Variants in ACMSD observed in about 807,000 individuals in gnomAD.
ACMSD encodes the protein 2-amino-3-carboxymuconate-6-semialdehyde decarboxylase.
ACMSD carries 37 observed loss-of-function variants against 45.9 expected under a neutral mutation model. The ratio of observed to expected loss-of-function variants is 0.81; its 90% CI spans 0.62 to 1.06. The LOEUF is 1.06. Ranked by LOEUF, ACMSD falls within the 50% of genes least tolerant of loss-of-function variation. The probability of loss-of-function intolerance (pLI) is 0.00; values close to 1 mark genes in which losing one functional copy is unlikely to be tolerated. For synonymous variants in ACMSD, 138 were observed against 148.8 expected (o/e 0.93, Z 0.53); for missense variants, 434 against 420.9 (o/e 1.03, Z -0.27).
At chr2:134,898,215 T>G (rs879746285) in intron 8 of ACMSD, 126 bp from the exon 9 acceptor site, 4 of 543,848 alleles carry the variant, frequency 7.4e-6, no homozygotes, top group Admixed American at 4.0e-5. Context: ...AGTTTTATGT[T>G]TCTATTAATC....
chr2:134,854,597 T>A (rs1687493520), intron 2 of ACMSD, among the ~76,000 whole-genome samples: 1 of 152,168 alleles, frequency 6.6e-6, no homozygotes, highest in Admixed American at 6.5e-5. Context: ...CTCACATTGC[T>A]CACTTCCAGG....
At chr2:134,855,984 T>A (rs1033329135) in intron 2 of ACMSD, among the ~76,000 whole-genome samples, 2 of 152,164 alleles carry the variant, frequency 1.3e-5, no homozygotes, top group Admixed American at 1.3e-4. Context: ...GGCCCAAAGG[T>A]AACCTTGAGG....
At chr2:134,843,087 T>C (rs1037927880) in intron 1 of ACMSD, among the ~76,000 whole-genome samples, 18 of 152,222 alleles carry the variant, frequency 1.2e-4, no homozygotes, top group African/African-American at 4.3e-4. Flanking sequence ...TAAGAGCACA[T>C]AGTCTTAAGT....
intron 2 of ACMSD, 65 bp downstream of exon 2, chr2:134,845,342 A>G: frequency 6.3e-7 from 1 of 1,581,684 alleles, no homozygotes; most frequent in Non-Finnish European, 8.7e-7. Context: ...GGGATACCTC[A>G]CTGCAGGCTG....
At chr2:134,868,154 T>A (rs1688208713) in intron 6 of ACMSD, among the ~76,000 whole-genome samples, 1 of 152,104 alleles carries the variant, frequency 6.6e-6, no homozygotes, top group Non-Finnish European at 1.5e-5. Flanking sequence ...GAATTAAAGG[T>A]AGAAGGTCAA....
At chr2:134,843,693 C>T (rs570901754) in intron 1 of ACMSD, among the ~76,000 whole-genome samples, 1 of 152,328 alleles carries the variant, frequency 6.6e-6, no homozygotes, top group Non-Finnish European at 1.5e-5. Context: ...GACCCATCAC[C>T]GCTGACCAAC....
chr2:134,884,014 G>A (rs533441120), intron 8 of ACMSD, among the ~76,000 whole-genome samples: 4 of 152,182 alleles, frequency 2.6e-5, no homozygotes, highest in Admixed American at 6.5e-5. Flanking sequence ...TCTCTCTTGC[G>A]AAATTACTGA....
intron 9 of ACMSD, 69 bp from the exon 10 acceptor site, chr2:134,901,729 T>C: frequency 8.7e-7 from 1 of 1,146,400 alleles, no homozygotes; most frequent in South Asian, 1.7e-5. Flanking sequence ...TTAAACCTGA[T>C]CAATGTAGTA....
intron 9 of ACMSD, among the ~76,000 whole-genome samples, chr2:134,901,199 T>C (rs1161549525): frequency 9.2e-5 from 14 of 152,188 alleles, no homozygotes; most frequent in Non-Finnish European, 1.6e-4. Context: ...AACAAATCAG[T>C]TAGGGTATCA....
intron 2 of ACMSD, among the ~76,000 whole-genome samples, chr2:134,847,105 C>T (rs1687084909): frequency 6.6e-6 from 1 of 152,166 alleles, no homozygotes; most frequent in Non-Finnish European, 1.5e-5. Flanking sequence ...GGCCCAGCCA[C>T]ATGGGGACTT....
intron 2 of ACMSD, 90 bp downstream of exon 2, chr2:134,845,367 C>A: frequency 7.3e-7 from 1 of 1,375,906 alleles, no homozygotes; most frequent in South Asian, 1.2e-5. Context: ...TCCAGGGAAC[C>A]CCACTCTTCT....
chr2:134,842,027 T>C (rs1319586690), intron 1 of ACMSD, among the ~76,000 whole-genome samples: 1 of 152,236 alleles, frequency 6.6e-6, no homozygotes, highest in Non-Finnish European at 1.5e-5. Context: ...CTTTGATTCA[T>C]ACATGCCCAT....
At chr2:134,850,975 T>C (rs1019964395) in intron 2 of ACMSD, among the ~76,000 whole-genome samples, 1 of 152,186 alleles carries the variant, frequency 6.6e-6, no homozygotes, top group Non-Finnish European at 1.5e-5. Flanking sequence ...TAGTCCCCAG[T>C]GTCTACTGTT....
In ACMSD at chr2:134,859,262, G is replaced by A. The variant is rs568825076; in HGVS notation, c.104G>A (p.Gly35Glu). 2 of 1,614,000 alleles carry A rather than the reference G, an allele frequency of 1.2e-6. No individual in the cohort carries two copies. The highest frequency in any genetic ancestry group is 4.5e-5 in the East Asian group (2 of 44,886). Reference sequence around the variant, plus strand: ...AGTAATGTGGGTTTTCTGCCCCAGGGAGAAGCAAAGTTGTTGAAAGATGGG... The same window carrying A: ...AGTAATGTGGGTTTTCTGCCCCAGGAAGAAGCAAAGTTGTTGAAAGATGGG... ...GWVQLQHHSKGEAKLLKDGKV... is the reference protein window; with the variant it reads ...GWVQLQHHSKEEAKLLKDGKV... The change falls in exon 3 of 10, where the codon GGA (glycine) becomes GAA (glutamate). Residue 35 changes from glycine (G) to glutamate (E), a missense_variant and splice_region_variant. Transcript: ENST00000356140.
chr2:134,842,654 T>C (rs1394252259), intron 1 of ACMSD, among the ~76,000 whole-genome samples: 6 of 152,234 alleles, frequency 3.9e-5, no homozygotes, highest in Admixed American at 3.9e-4. Context: ...TCAGCATCAT[T>C]GTTAGCATGA....
At chr2:134,846,409 A>T (rs992238454) in intron 2 of ACMSD, among the ~76,000 whole-genome samples, 7 of 152,008 alleles carry the variant, frequency 4.6e-5, no homozygotes. Context: ...TTTTTTAATT[A>T]TTAATTTTTT....
chr2:134,855,835 G>A (rs989027575), intron 2 of ACMSD, among the ~76,000 whole-genome samples: 1 of 152,228 alleles, frequency 6.6e-6, no homozygotes, highest in Non-Finnish European at 1.5e-5. Context: ...GTAGAAGGAT[G>A]TCTTGTCTAT....
chr2:134,843,586 C>T (rs1236228465), intron 1 of ACMSD, among the ~76,000 whole-genome samples: 1 of 152,168 alleles, frequency 6.6e-6, no homozygotes, highest in Non-Finnish European at 1.5e-5. Context: ...CTACAGACAA[C>T]TTCCCTGCAC....
chr2:134,840,166 G>GAAAAAAAAAAAAAAAAAAA (rs1559034706), intron 1 of ACMSD, among the ~76,000 whole-genome samples: 2 of 12,046 alleles, frequency 1.7e-4, no homozygotes, highest in African/African-American at 7.4e-4. Flanking sequence ...ACTATACCTA[G>GAAAAAAAAAAAAAAAAAAA]CAAAAAAAAA....
Sources: gnomAD v4.1 joint callset for allele counts (sites outside exome capture counted in the v4.1 genomes callset) on GRCh38, gnomAD v4.1.1 for gene constraint, MANE v1.5 for transcripts, NCBI Gene and HGNC (gene_info 2026-07-23, HGNC 2026-07-21) for gene names.